Variants in RYR3 observed in about 807,000 individuals in gnomAD.
RYR3 encodes brain ryanodine receptor-calcium release channel.
A neutral mutation model predicts 584.3 loss-of-function variants in RYR3; 207 were observed. The ratio of observed to expected loss-of-function variants is 0.35; its 90% CI spans 0.32 to 0.40. The LOEUF is 0.40. Ranked by LOEUF, RYR3 falls within the 10% of genes least tolerant of loss-of-function variation. RYR3 has a pLI of 1.00. For synonymous variants in RYR3, 2,416 were observed against 2,248.5 expected, an observed-to-expected ratio of 1.07 and a Z score of -2.11; for missense variants, 5,616 against 6,089.2, an observed-to-expected ratio of 0.92 and a Z score of 2.59.
At chr15:33,386,401 A>G (rs2041605378) in intron 1 of RYR3, among the ~76,000 whole-genome samples, 1 of 152,214 alleles carries the variant, frequency 6.6e-6, no homozygotes, top group African/African-American at 2.4e-5. Context: ...AATATTGATT[A>G]CTTTCGCGTC....
chr15:33,614,063 C>G (rs971897019), intron 19 of RYR3, among the ~76,000 whole-genome samples: 2 of 152,080 alleles, frequency 1.3e-5, no homozygotes, highest in African/African-American at 4.8e-5. Context: ...GTTCAGAATT[C>G]CTTATCAATA....
chr15:33,574,344 A>G (rs1170249563), intron 12 of RYR3, among the ~76,000 whole-genome samples: 2 of 152,198 alleles, frequency 1.3e-5, no homozygotes, highest in Non-Finnish European at 2.9e-5. Flanking sequence ...TATTGAGGAA[A>G]ATGTATTCAT....
At chr15:33,855,951 CAT>C (rs1371065498) in intron 98 of RYR3, 1 of 152,186 alleles carries the variant, frequency 6.6e-6, no homozygotes, top group African/African-American at 2.4e-5. Flanking sequence ...GGCTTCCTCA[CAT>C]GTCCAAACCT....
At chr15:33,373,830 A>T (rs1442983698) in intron 1 of RYR3, among the ~76,000 whole-genome samples, 24 of 152,242 alleles carry the variant, frequency 1.6e-4, no homozygotes, top group Admixed American at 1.4e-3. Context: ...ATGAGAAAAA[A>T]GGCAGTCATT....
At chr15:33,751,682 C>T (rs1344240857) in intron 57 of RYR3, among the ~76,000 whole-genome samples, 2 of 151,780 alleles carry the variant, frequency 1.3e-5, no homozygotes, top group East Asian at 3.8e-4. Flanking sequence ...CTGTAGGTTG[C>T]CTGTTCACTC....
rs1567034088 is a variant in RYR3, at chr15:33,725,988, A to AC, written c.6913-398_6913-397insC. ...CCATCCCCCCCCCCAAAAAAAAAAAAAAAAAAAAACAGAATTCTAGAGTCT... is the reference window on the plus strand; with the variant it reads ...CCATCCCCCCCCCCAAAAAAAAAAAACAAAAAAAAACAGAATTCTAGAGTCT... On this transcript the variant is annotated intron_variant, in intron 45 of 103. Coordinates refer to ENST00000634891, the MANE Select transcript of RYR3 (RefSeq NM_001036.6). 3.0e-4 allele frequency among the ~76,000 whole-genome samples: 41 copies of AC among 135,870 alleles called. 3 individuals carry two copies. Among genetic ancestry groups the AC allele is most frequent in the African/African-American group, 8.8e-4 (32 of 36,350 alleles). The allele number at this position is 135,870 out of a possible 152,430, so 89.1% of individuals were successfully genotyped here.
At chr15:33,820,690 G>C in intron 77 of RYR3, 66 bp from the exon 78 acceptor site, 1 of 1,360,530 alleles carries the variant, frequency 7.4e-7, no homozygotes, top group East Asian at 2.4e-5. Flanking sequence ...TTGTAGAGTT[G>C]TGTTTATTAG....
intron 1 of RYR3, among the ~76,000 whole-genome samples, chr15:33,415,151 CAAG>C (rs2043709640): frequency 6.6e-6 from 1 of 152,106 alleles, no homozygotes; most frequent in African/African-American, 2.4e-5. Context: ...CAAAGTATCT[CAAG>C]AATGACAACT....
intron 1 of RYR3, among the ~76,000 whole-genome samples, chr15:33,330,712 A>G (rs537529585): frequency 6.6e-6 from 1 of 152,314 alleles, no homozygotes; most frequent in African/African-American, 2.4e-5. Flanking sequence ...CTGGAATTCT[A>G]GGCATGCTAG....
At chr15:33,324,963 T>C (rs1381618227) in intron 1 of RYR3, among the ~76,000 whole-genome samples, 1 of 152,232 alleles carries the variant, frequency 6.6e-6, no homozygotes, top group Non-Finnish European at 1.5e-5. Context: ...ACATCACATA[T>C]GCATTTGCCT....
At chr15:33,442,157 T>C (rs534353869) in intron 1 of RYR3, among the ~76,000 whole-genome samples, 1 of 152,338 alleles carries the variant, frequency 6.6e-6, no homozygotes, top group East Asian at 1.9e-4. Context: ...AATTAGGTAT[T>C]ATGTATCCCT....
rs2058839076 is a variant in RYR3, at chr15:33,586,209, T to C, written c.1788+93T>C. ...GTTTTACTGAGAGCATGTTGATTAGTCTTTCTTGACTTTGATAAAAATCTT... is the reference window on the plus strand; with the variant it reads ...GTTTTACTGAGAGCATGTTGATTAGCCTTTCTTGACTTTGATAAAAATCTT... On this transcript the variant is annotated intron_variant, in intron 16 of 103. Transcript: ENST00000634891. The C allele has an allele frequency of 1.0e-5, 8 of 766,398 alleles. No individual in the cohort carries two copies. The East Asian group carries it at 2.1e-4, about 20-fold the overall frequency. The allele number at this position is 766,398 out of a possible 1,614,324, so 47.5% of individuals were successfully genotyped here.
At chr15:33,466,440 A>G (rs2048493276) in intron 1 of RYR3, among the ~76,000 whole-genome samples, 1 of 152,242 alleles carries the variant, frequency 6.6e-6, no homozygotes, top group South Asian at 2.1e-4. Context: ...AAGTAGTAAG[A>G]AACTGGAGAT....
chr15:33,631,768 C>G (rs1254343045), intron 23 of RYR3, among the ~76,000 whole-genome samples: 3 of 152,214 alleles, frequency 2.0e-5, no homozygotes, highest in Non-Finnish European at 4.4e-5. Context: ...CATTTCTTGT[C>G]CTTGCACATT....
chr15:33,587,787 T>G (rs1469108535), intron 16 of RYR3, among the ~76,000 whole-genome samples: 1 of 152,178 alleles, frequency 6.6e-6, no homozygotes, highest in Non-Finnish European at 1.5e-5. Context: ...TTCCATTGGA[T>G]AGCTTTCATT....
chr15:33,788,662 CTG>C (rs1328711472), intron 67 of RYR3, among the ~76,000 whole-genome samples: 1 of 152,196 alleles, frequency 6.6e-6, no homozygotes, highest in Non-Finnish European at 1.5e-5. Context: ...TCTGTATGGT[CTG>C]TGACATGGCC....
At chr15:33,860,994 C>G (rs1033525756) in intron 101 of RYR3, 84 bp from the exon 102 acceptor site, 1 of 1,089,458 alleles carries the variant, frequency 9.2e-7, no homozygotes, top group Non-Finnish European at 1.4e-6. Flanking sequence ...TTTCATTATC[C>G]TTCAATTCGA....
chr15:33,530,032 C>T (rs1202789513), intron 3 of RYR3, among the ~76,000 whole-genome samples: 3 of 152,134 alleles, frequency 2.0e-5, no homozygotes, highest in Non-Finnish European at 4.4e-5. Flanking sequence ...ACTGAAGGAT[C>T]TATTTCTGCA....
At chr15:33,578,214 C>A (rs1206182914) in intron 12 of RYR3, among the ~76,000 whole-genome samples, 1 of 152,096 alleles carries the variant, frequency 6.6e-6, no homozygotes, top group East Asian at 1.9e-4. Context: ...CCTCAAATAC[C>A]TAGAGCCAGA....
Sources: allele counts gnomAD v4.1 joint callset (sites outside exome capture counted in the v4.1 genomes callset), GRCh38; gene constraint gnomAD v4.1.1; transcripts MANE v1.5; gene names NCBI Gene and HGNC (gene_info 2026-07-23, HGNC 2026-07-21).